Variants in FBLN1 observed in about 807,000 individuals in gnomAD.
FBLN1 encodes fibulin-1.
A neutral mutation model predicts 89.7 loss-of-function variants in FBLN1; 34 were observed. The ratio of observed to expected loss-of-function variants is 0.38; its 90% CI spans 0.29 to 0.50. The LOEUF is 0.50. Among genes scored for constraint, FBLN1 ranks in the 20% least tolerant of loss-of-function variants. FBLN1 has a pLI of 0.92. For synonymous variants in FBLN1, 393 were observed against 391.3 expected, an observed-to-expected ratio of 1.00 and a Z score of -0.05; for missense variants, 777 against 988.1, an observed-to-expected ratio of 0.79 and a Z score of 2.86.
At chr22:45,565,446 C>A in intron 14 of FBLN1, 1 of 412,666 alleles carries the variant, frequency 2.4e-6, no homozygotes, top group Non-Finnish European at 4.2e-6. Context: ...TGTCCCCCTG[C>A]AGACTGCCAT....
At chr22:45,517,821 G>A (rs776801580) in intron 1 of FBLN1, 218 of 360,342 alleles carry the variant, frequency 6.0e-4, no homozygotes, top group Non-Finnish European at 1.1e-3. Flanking sequence ...GTGGGTCACA[G>A]AAGCTGGTCT....
At chr22:45,551,735 C>T (rs1016644421) in intron 14 of FBLN1, among the ~76,000 whole-genome samples, 4 of 152,202 alleles carry the variant, frequency 2.6e-5, no homozygotes, top group Non-Finnish European at 4.4e-5. Context: ...AACAGCCTGC[C>T]CCAGGCAGTG....
Position 45,588,096 on chromosome 22 carries a change from C to T in FBLN1, c.1972+10988C>T, listed in dbSNP as rs2089103988. 6.6e-6 allele frequency among the ~76,000 whole-genome samples: 1 copy of T among 152,138 alleles called. No homozygotes were observed. The highest frequency in any genetic ancestry group is 2.1e-4 in the South Asian group (1 of 4,826). ...ACGAGAAACAAGCATAATATATACACGGTCAGATGGTAGTGAGGGCTGTGC... is the reference window on the plus strand; with the variant it reads ...ACGAGAAACAAGCATAATATATACATGGTCAGATGGTAGTGAGGGCTGTGC... On this transcript the variant is annotated intron_variant, in intron 16 of 16. Transcript: ENST00000327858. The surrounding 1 kb of genome is among the most constrained non-coding windows in gnomAD (Gnocchi z 5.1).
chr22:45,574,557 C>T lies in FBLN1; in HGVS notation c.1744C>T (p.Arg582Cys), dbSNP rs1338372505. ...TDTVRCIKSC[R>C]PNDVTCVFDP... The stretch of plus-strand genomic sequence containing the variant: ...CACGGTCCGCTGCATCAAGTCCTGC[C>T]GCCCCAACGATGTCACATGCGTGTT... The change falls in exon 15 of 17, where the codon CGC becomes TGC. Residue 582 changes from arginine (R) to cysteine (C), a missense_variant. Arg to Cys is a radical substitution (Grantham distance 180). Coordinates refer to ENST00000327858, the MANE Select transcript of FBLN1 (RefSeq NM_006486.3). This position sits in a 1 kb window ranked among gnomAD's most constrained non-coding sequence, Gnocchi z 4.1. The T allele has an allele frequency of 5.6e-6, 9 of 1,614,070 alleles. No individual in the cohort carries two copies. The highest frequency in any genetic ancestry group is 1.7e-5 in the Admixed American group (1 of 60,002).
intron 7 of FBLN1, 41 bp downstream of exon 7, chr22:45,533,939 G>A (rs2088446238): frequency 1.9e-6 from 3 of 1,612,006 alleles, no homozygotes; most frequent in South Asian, 1.1e-5. Flanking sequence ...GGTCTTCCAG[G>A]CGTAGATACG....
rs1473693114 is a variant in FBLN1, at chr22:45,541,272, G to A, written c.966G>A (p.Gly322=). The part of the protein sequence containing the change: ...CLSISAPCPI[G]HTCINTEGSY... The stretch of plus-strand genomic sequence containing the variant: ...GTATCAGTGCCCCGTGCCCTATCGG[G>A]CATACATGCATCAACACAGAGGGCT... The change falls in exon 9 of 17, where the codon GGG becomes GGA. Residue 322 remains glycine (G), a synonymous_variant. Transcript: ENST00000327858. 3 of 1,614,226 alleles carry A rather than the reference G, an allele frequency of 1.9e-6. No individual in the cohort carries two copies. Among genetic ancestry groups the A allele is most frequent in the South Asian group, 2.2e-5 (2 of 91,092 alleles).
intron 3 of FBLN1, among the ~76,000 whole-genome samples, chr22:45,527,408 G>C (rs1416977330): frequency 3.3e-5 from 5 of 152,168 alleles, no homozygotes; most frequent in Admixed American, 6.5e-5. Flanking sequence ...AAAACGGAGA[G>C]GCAGCATGCA....
chr22:45,599,283 T>C (rs1239577351), intron 16 of FBLN1, among the ~76,000 whole-genome samples: 1 of 152,170 alleles, frequency 6.6e-6, no homozygotes, highest in Non-Finnish European at 1.5e-5. Flanking sequence ...CCATCCTCCT[T>C]TTGACTGCCC....
At chr22:45,569,052 C>G (rs1054482381) in intron 14 of FBLN1, among the ~76,000 whole-genome samples, 2 of 152,168 alleles carry the variant, frequency 1.3e-5, no homozygotes, top group African/African-American at 4.8e-5. Flanking sequence ...TCCAGTGTGA[C>G]CTCATCTTAA....
At chr22:45,524,458 C>T (rs977401914) in intron 2 of FBLN1, among the ~76,000 whole-genome samples, 1 of 152,166 alleles carries the variant, frequency 6.6e-6, no homozygotes, top group Non-Finnish European at 1.5e-5. Flanking sequence ...CCCAGAGCCC[C>T]GGCAGGGCTG....
chr22:45,548,704 G>A lies in FBLN1; in HGVS notation c.1533G>A (p.Ser511=), dbSNP rs759848654. The change falls in exon 13 of 17, where the codon TCG becomes TCA. Residue 511 remains serine (S), a synonymous_variant. Coordinates refer to ENST00000327858, the MANE Select transcript of FBLN1 (RefSeq NM_006486.3). Reference sequence around the variant, plus strand: ...GAAGCTTCCAGTGCAGCTGCCCCTCGTCTGGCTACAGGCTGGCCCCCAATG... The same window carrying A: ...GAAGCTTCCAGTGCAGCTGCCCCTCATCTGGCTACAGGCTGGCCCCCAATG... ...IPGSFQCSCP[S]SGYRLAPNGR... 5.0e-6 allele frequency: 8 copies of A among 1,613,696 alleles called. No individual in the cohort carries two copies. Among genetic ancestry groups the A allele is most frequent in the East Asian group, 4.5e-5 (2 of 44,884 alleles).
At chr22:45,511,779 G>A (rs2088104561) in intron 1 of FBLN1, among the ~76,000 whole-genome samples, 1 of 152,136 alleles carries the variant, frequency 6.6e-6, no homozygotes, top group Non-Finnish European at 1.5e-5. Flanking sequence ...TGAAGGAAGT[G>A]AGCCTCCTTG....
rs990801405 is a variant in FBLN1, at chr22:45,530,726, T to C, written c.485-539T>C. Among the ~76,000 whole-genome samples, 1 of 152,132 alleles carries C rather than the reference T, an allele frequency of 6.6e-6. No individual in the cohort carries two copies. ...GGAATATCACCCAGCATGAAGTCAA[T>C]GATTACAGGCCTTTGTGTCTGTGGT... On this transcript the variant is annotated intron_variant, in intron 4 of 16. Transcript: ENST00000327858. The surrounding 1 kb of genome is among the most constrained non-coding windows in gnomAD (Gnocchi z 5.4).
intron 8 of FBLN1, among the ~76,000 whole-genome samples, chr22:45,538,497 C>CT (rs528998777): frequency 6.6e-6 from 1 of 152,196 alleles, no homozygotes; most frequent in Non-Finnish European, 1.5e-5. Flanking sequence ...CTGCCACTTG[C>CT]TTTTCCCCCC....
intron 1 of FBLN1, 43 bp from the exon 2 acceptor site, chr22:45,518,639 T>G (rs772864151): frequency 3.3e-5 from 48 of 1,472,924 alleles, no homozygotes; most frequent in Non-Finnish European, 4.5e-5. Context: ...CTCCACCCGC[T>G]GAGTGGTGAG....
chr22:45,587,601 G>T (rs2089099066), intron 16 of FBLN1, among the ~76,000 whole-genome samples: 2 of 152,178 alleles, frequency 1.3e-5, no homozygotes, highest in Admixed American at 1.3e-4. Context: ...AGCGCTCAGG[G>T]ATGCGTGGGC....
intron 16 of FBLN1, among the ~76,000 whole-genome samples, chr22:45,596,111 C>T (rs1009724373): frequency 4.6e-5 from 7 of 152,198 alleles, no homozygotes; most frequent in Non-Finnish European, 7.3e-5. Context: ...CCTTGTGATC[C>T]GCCCGCCTCG....
intron 10 of FBLN1, among the ~76,000 whole-genome samples, chr22:45,543,198 G>A (rs545962631): frequency 7.2e-5 from 11 of 152,318 alleles, no homozygotes; most frequent in Admixed American, 2.6e-4. Flanking sequence ...ACTGGGAGGC[G>A]GAGGTTGCAG....
intron 14 of FBLN1, chr22:45,565,319 C>T: frequency 7.9e-7 from 1 of 1,260,774 alleles, no homozygotes; most frequent in Non-Finnish European, 1.0e-6. Context: ...GGCCTCTGCC[C>T]ACCCTTTGAG....
Sources: gnomAD v4.1 joint callset for allele counts (sites outside exome capture counted in the v4.1 genomes callset) on GRCh38, gnomAD v4.1.1 for gene constraint, Gnocchi (gnomAD v3.1) non-coding constraint, MANE v1.5 for transcripts, NCBI Gene and HGNC (gene_info 2026-07-23, HGNC 2026-07-21) for gene names.